Variants in USH2A observed in about 807,000 individuals in gnomAD.
USH2A encodes usherin, also known as Usher syndrome 2A (autosomal recessive, mild).
A neutral mutation model predicts 538.9 loss-of-function variants in USH2A; 443 were observed. That is an observed-to-expected ratio of 0.82 (90% CI 0.76 to 0.89). The LOEUF is 0.89. Ranked by LOEUF, USH2A falls within the 40% of genes least tolerant of loss-of-function variation. The pLI, the probability that USH2A is intolerant of heterozygous loss-of-function variation, is 0.00. For missense variants in USH2A, 6,633 were observed against 6,324.8 expected, an observed-to-expected ratio of 1.05 and a Z score of -1.65; for synonymous variants, 2,413 against 2,273.5, an observed-to-expected ratio of 1.06 and a Z score of -1.75.
intron 3 of USH2A, among the ~76,000 whole-genome samples, chr1:216,377,043 T>C (rs908113938): frequency 6.6e-6 from 1 of 152,168 alleles, no homozygotes; most frequent in African/African-American, 2.4e-5. Context: ...TTTTGTGTCT[T>C]CTTAGATTTT....
chr1:215,747,238 C>G (rs1660496405), intron 58 of USH2A, among the ~76,000 whole-genome samples: 1 of 152,186 alleles, frequency 6.6e-6, no homozygotes, highest in Non-Finnish European at 1.5e-5. Flanking sequence ...TGGCCTGACC[C>G]ATGACACTTC....
At chr1:216,138,572 G>A (rs140165277) in intron 21 of USH2A, among the ~76,000 whole-genome samples, 2 of 152,084 alleles carry the variant, frequency 1.3e-5, no homozygotes, top group South Asian at 2.1e-4. Context: ...AGTACACCAA[G>A]TCCTCTTTTT....
chr1:215,929,855 T>C (rs1666320913), intron 38 of USH2A, among the ~76,000 whole-genome samples: 1 of 152,018 alleles, frequency 6.6e-6, no homozygotes, highest in Non-Finnish European at 1.5e-5. Context: ...TTTTGCGATG[T>C]GCCTAAGTTT....
At chr1:215,855,945 C>G (rs1386953793) in intron 44 of USH2A, among the ~76,000 whole-genome samples, 2 of 152,106 alleles carry the variant, frequency 1.3e-5, no homozygotes, top group African/African-American at 4.8e-5. Context: ...AAAGGACAAC[C>G]TATTCAACAA....
At chr1:216,245,534 C>A in intron 13 of USH2A, among the ~76,000 whole-genome samples, 1 of 144,242 alleles carries the variant, frequency 6.9e-6, no homozygotes, top group South Asian at 2.2e-4. Flanking sequence ...GAATATGTAT[C>A]AGTGGAAGCA....
intron 40 of USH2A, among the ~76,000 whole-genome samples, chr1:215,892,180 T>A (rs1240097580): frequency 1.3e-5 from 2 of 152,152 alleles, no homozygotes; most frequent in African/African-American, 4.8e-5. Context: ...TGTGTATGAA[T>A]ACCCAGTTTG....
At chr1:215,666,558 G>A (rs140643127) in intron 64 of USH2A, among the ~76,000 whole-genome samples, 7 of 152,196 alleles carry the variant, frequency 4.6e-5, no homozygotes, top group East Asian at 3.9e-4. Flanking sequence ...CTTTTGAATC[G>A]CAGGGATTCC....
intron 4 of USH2A, among the ~76,000 whole-genome samples, chr1:216,355,307 A>AAAAGAAAGAAAG (rs61657867): frequency 0.033 from 3,424 of 103,354 alleles, 121 homozygotes; most frequent in African/African-American, 0.056. Flanking sequence ...CTCTGCTTCA[A>AAAAGAAAGAAAG]AAAGAAAGAA....
intron 2 of USH2A, among the ~76,000 whole-genome samples, chr1:216,421,506 T>C (rs934735884): frequency 1.3e-5 from 2 of 152,130 alleles, no homozygotes; most frequent in Non-Finnish European, 2.9e-5. Context: ...ATTTTGAAAA[T>C]ATTAATTATT....
At position 216,072,968 on chromosome 1, in the gene USH2A, T is replaced by C. The variant is rs2031609277; in HGVS notation, c.5778A>G (p.Glu1926=). The change falls in exon 29 of 72, where the codon GAA becomes GAG. Residue 1926 remains glutamate, a splice_region_variant and synonymous_variant. Transcript: ENST00000307340. ...VYEGGLQPFT[E]YLYRVIASHE... ...GCGAGGCTATCACTCGATACAGGTA[T>C]TCTTAAATGGAAATAAGATGCAGCA... The C allele has an allele frequency of 6.2e-7, 1 of 1,613,886 alleles. No homozygotes were observed. The highest frequency in any genetic ancestry group is 1.3e-5 in the African/African-American group (1 of 74,916).
intron 30 of USH2A, among the ~76,000 whole-genome samples, chr1:216,055,298 TAA>T (rs2030939861): frequency 6.6e-6 from 1 of 152,170 alleles, no homozygotes; most frequent in African/African-American, 2.4e-5. Context: ...AGACATTTAT[TAA>T]GAGGGCCATC....
At chr1:216,328,673 G>A (rs568302130) in intron 4 of USH2A, among the ~76,000 whole-genome samples, 9 of 152,064 alleles carry the variant, frequency 5.9e-5, no homozygotes, top group Admixed American at 2.6e-4. Flanking sequence ...AACTGGGACA[G>A]AGTGAGGATA....
At chr1:215,991,843 T>C (rs1232131912) in intron 35 of USH2A, among the ~76,000 whole-genome samples, 1 of 152,188 alleles carries the variant, frequency 6.6e-6, no homozygotes, top group Non-Finnish European at 1.5e-5. Context: ...CCAATTGAAA[T>C]AAATCATTAA....
At chr1:216,199,602 G>GTTC in intron 17 of USH2A, 25 bp downstream of exon 17, 1 of 1,613,422 alleles carries the variant, frequency 6.2e-7, no homozygotes, top group South Asian at 1.1e-5. Flanking sequence ...GACCAAAAAG[G>GTTC]GGAATCTCAG....
intron 32 of USH2A, among the ~76,000 whole-genome samples, chr1:216,021,912 T>C (rs1351920316): frequency 2.0e-5 from 3 of 152,136 alleles, no homozygotes; most frequent in Non-Finnish European, 4.4e-5. Flanking sequence ...AGGAGGTGTT[T>C]GGATCTTGGG....
Position 216,072,899 on chromosome 1 carries a change from T to C in USH2A, c.5847A>G (p.Thr1949=), listed in dbSNP as rs766667813. 6.2e-7 allele frequency: 1 copy of C among 1,613,854 alleles called. No individual in the cohort carries two copies. The highest frequency in any genetic ancestry group is 8.5e-7 in the Non-Finnish European group (1 of 1,179,794). The change falls in exon 29 of 72, where the codon ACA becomes ACG. Residue 1949 remains threonine (T), a synonymous_variant. Transcript: ENST00000307340. ...AAGATAAGTATTTACCTGCTCCTGT[T>C]GTACGTCCTCGACTCCAATCACTAT... is the stretch of plus-strand genomic sequence containing the variant. The part of the protein sequence containing the change: ...SVYSDWSRGR[T]TGAAPQSVPT...
At chr1:216,328,075 A>C (rs1191180820) in intron 4 of USH2A, among the ~76,000 whole-genome samples, 1 of 151,938 alleles carries the variant, frequency 6.6e-6, no homozygotes, top group Admixed American at 6.6e-5. Context: ...CTCACATCCC[A>C]CCTGTTATAG....
intron 3 of USH2A, among the ~76,000 whole-genome samples, chr1:216,379,357 A>G (rs1221048040): frequency 6.6e-6 from 1 of 152,094 alleles, no homozygotes; most frequent in East Asian, 1.9e-4. Flanking sequence ...AAAAGTTTTC[A>G]TCATGATTGT....
intron 3 of USH2A, among the ~76,000 whole-genome samples, chr1:216,405,521 A>G (rs1260832145): frequency 6.6e-6 from 1 of 152,218 alleles, no homozygotes; most frequent in African/African-American, 2.4e-5. Flanking sequence ...GTTATTTTAA[A>G]TAGTAAAATA....
Sources: gnomAD v4.1 joint callset for allele counts (sites outside exome capture counted in the v4.1 genomes callset) on GRCh38, gnomAD v4.1.1 for gene constraint, MANE v1.5 for transcripts, NCBI Gene and HGNC (gene_info 2026-07-23, HGNC 2026-07-21) for gene names.